Variants in KLRB1 observed in about 807,000 individuals in gnomAD.
The protein encoded by KLRB1 is killer cell lectin like receptor B1, also known as killer cell lectin-like receptor subfamily B member 1.
KLRB1 carries 27 observed loss-of-function variants against 33.5 expected under a neutral mutation model. The ratio of observed to expected loss-of-function variants is 0.81; its 90% CI spans 0.59 to 1.11. KLRB1 has a LOEUF of 1.11. Ranked by LOEUF, KLRB1 falls within the 50% of genes most tolerant of loss-of-function variation. The pLI, the probability that KLRB1 is intolerant of heterozygous loss-of-function variation, is 0.00. For missense variants in KLRB1, 241 were observed against 254.1 expected, an observed-to-expected ratio of 0.95 and a Z score of 0.35; for synonymous variants, 64 against 88.9, an observed-to-expected ratio of 0.72 and a Z score of 1.58.
chr12:9,606,759 TA>T (rs58850637), intron 1 of KLRB1, among the ~76,000 whole-genome samples: 3,247 of 22,858 alleles, frequency 0.14, 591 homozygotes, highest in African/African-American at 0.33. Flanking sequence ...TATATATATA[TA>T]TTTTTTTTTT....
rs1180828008 is a variant in KLRB1 at position 9,600,306 on chromosome 12, AT to A, written c.185-466del. 5.9e-5 allele frequency among the ~76,000 whole-genome samples: 9 copies of A among 152,276 alleles called. No homozygotes were observed. In the East Asian group the frequency reaches 1.2e-3, roughly 20 times the overall value. On this transcript the variant is annotated intron_variant, in intron 2 of 5. Transcript: ENST00000229402. ...TTTTTTTCAAAAGTTCTTGGGCCAC[AT>A]ATATAATACCCCGTGATGACTCTCA...
chr12:9,606,572 T>C (rs1005600431), intron 1 of KLRB1: 3 of 150,876 alleles, frequency 2.0e-5, no homozygotes, highest in African/African-American at 7.3e-5. Flanking sequence ...ATCTTTGATC[T>C]TGAATATGAT....
chr12:9,607,370 T>TTCTC lies in KLRB1; in HGVS notation c.85+384_85+385insGAGA, dbSNP rs1555097817. ...TTTCTTTCTTCCTTTCTTTCTTTCT[T>TTCTC]TCTTTCTTTCTTTCTTTCTTTCTTT... On this transcript the variant is annotated intron_variant, in intron 1 of 5. Transcript: ENST00000229402. Among the ~76,000 whole-genome samples, 412 of 86,464 alleles carry TTCTC rather than the reference T, an allele frequency of 4.8e-3. 8 individuals are homozygous for TTCTC. The highest frequency in any genetic ancestry group is 0.012 in the Middle Eastern group (2 of 170). 56.7% of individuals were successfully genotyped at this position (86,464 alleles called of 152,430 possible).
intron 5 of KLRB1, among the ~76,000 whole-genome samples, chr12:9,596,176 G>A (rs1864490936): frequency 6.6e-6 from 1 of 152,062 alleles, no homozygotes; most frequent in Non-Finnish European, 1.5e-5. Flanking sequence ...CAGCATGCTG[G>A]GCTCCATCAC....
At chr12:9,607,335 CCTTTCTTTCTTTCTTT>C (rs1258225429) in intron 1 of KLRB1, among the ~76,000 whole-genome samples, 42 of 65,260 alleles carry the variant, frequency 6.4e-4, no homozygotes, top group Non-Finnish European at 7.2e-4. Context: ...CTCTTTCTTT[CCTTTCTTTCTTTCTTT>C]CTTCCTTTCT....
At position 9,599,815 on chromosome 12, in the gene KLRB1, T is replaced by C. The variant is rs1864522399; in HGVS notation, c.211A>G (p.Ile71Val). 1 of 1,603,516 alleles carries C rather than the reference T, an allele frequency of 6.2e-7. No homozygotes were observed. The highest frequency in any genetic ancestry group is 8.5e-7 in the Non-Finnish European group (1 of 1,170,702). ...TGAATGTCCACACTGCATTTTTCTA[T>C]TGATGATTTCTGTATTAAGGATGTC... ...SVTSLIQKSS[I>V]EKCSVDIQQS... Residue 71 changes from isoleucine (I) to valine (V), a missense_variant, in exon 3 of 6, where the codon ATA (isoleucine) becomes GTA (valine). Ile to Val is a conservative substitution (Grantham distance 29). Transcript: ENST00000229402.
intron 1 of KLRB1, among the ~76,000 whole-genome samples, chr12:9,607,335 C>CTTCCTTCGTTTCTTTCTTTCTTT (rs1491505010): frequency 1.5e-5 from 1 of 65,170 alleles, no homozygotes; most frequent in Non-Finnish European, 3.6e-5. Context: ...CTCTTTCTTT[C>CTTCCTTCGTTTCTTTCTTTCTTT]CTTTCTTTCT....
chr12:9,600,129 C>T (rs978163782), intron 2 of KLRB1, among the ~76,000 whole-genome samples: 5 of 152,168 alleles, frequency 3.3e-5, no homozygotes, highest in Non-Finnish European at 7.3e-5. Flanking sequence ...AAATTGCCTA[C>T]AGTCTCACCT....
At chr12:9,606,725 GTATAAAAAGTATATATATATATATATAT>G (rs1864606509) in intron 1 of KLRB1, among the ~76,000 whole-genome samples, 1 of 32,668 alleles carries the variant, frequency 3.1e-5, no homozygotes, top group Non-Finnish European at 5.5e-5. Flanking sequence ...TAAAATATAT[GTATAAAAAGTATATATATATATATATAT>G]ATATATATTT....
intron 1 of KLRB1, among the ~76,000 whole-genome samples, chr12:9,607,332 T>TTTCCTTCCTTCCTGCCTTCC (rs200381621): frequency 5.3e-4 from 31 of 58,644 alleles, no homozygotes; most frequent in Non-Finnish European, 7.7e-4. Context: ...TTTCTCTTTC[T>TTTCCTTCCTTCCTGCCTTCC]TTCCTTTCTT....
intron 1 of KLRB1, among the ~76,000 whole-genome samples, chr12:9,606,741 TATA>T (rs1565444192): frequency 8.5e-5 from 2 of 23,550 alleles, no homozygotes; most frequent in African/African-American, 3.3e-4. Flanking sequence ...AAAGTATATA[TATA>T]TATATATATA....
Position 9,598,498 on chromosome 12 carries a change from C to T in KLRB1, c.414+1G>A, listed in dbSNP as rs1864511960. On this transcript the variant is annotated splice_donor_variant, in intron 4 of 5. Transcript: ENST00000229402. LOFTEE classifies it high-confidence loss of function. ...TTAAGGTATTTTATTTAATGATTTA[C>T]CAATTCATCCTTATCTCGAATAAGC... is the stretch of plus-strand genomic sequence containing the variant. The T allele has an allele frequency of 6.2e-7, 1 of 1,602,836 alleles. No homozygotes were observed. Among genetic ancestry groups the T allele is most frequent in the South Asian group, 1.1e-5 (1 of 90,054 alleles).
At chr12:9,599,904 T>C in intron 2 of KLRB1, 63 bp from the exon 3 acceptor site, 1 of 915,238 alleles carries the variant, frequency 1.1e-6, no homozygotes, top group Non-Finnish European at 1.8e-6. Flanking sequence ...GGATATATTA[T>C]ATTTGTTACT....
Position 9,601,609 on chromosome 12 carries a change from TAAAAA to T in KLRB1, c.86-15_86-11del. 1 of 1,579,378 alleles carries T rather than the reference TAAAAA, an allele frequency of 6.3e-7. No individual in the cohort carries two copies. Among genetic ancestry groups the T allele is most frequent in the Non-Finnish European group, 8.6e-7 (1 of 1,158,782 alleles). On this transcript the variant is annotated splice_polypyrimidine_tract_variant and intron_variant, in intron 1 of 5. Transcript: ENST00000229402. The stretch of plus-strand genomic sequence containing the variant: ...GAACCCTGACAGACATCTGAAAAGT[TAAAAA>T]GAAAAACACAAAAACAAACAAACAA...
intron 1 of KLRB1, among the ~76,000 whole-genome samples, chr12:9,601,933 A>T (rs1296633259): frequency 1.3e-5 from 2 of 152,236 alleles, no homozygotes; most frequent in East Asian, 3.9e-4. Flanking sequence ...AATTAAGTGC[A>T]TGTCTTAATG....
At chr12:9,605,526 A>AT (rs1344751839) in intron 1 of KLRB1, among the ~76,000 whole-genome samples, 1 of 152,200 alleles carries the variant, frequency 6.6e-6, no homozygotes, top group Non-Finnish European at 1.5e-5. Flanking sequence ...GTAGGAGCTT[A>AT]TTTTTTAATG....
Position 9,598,546 on chromosome 12 carries a change from A to G in KLRB1, c.367T>C (p.Ser123Pro). Residue 123 changes from serine to proline, a missense_variant, in exon 4 of 6, where the codon TCC becomes CCC. By Grantham distance (74) the Ser-to-Pro change is moderately conservative. Transcript: ENST00000229402. ...AGCAGCAGGCTGGATTCTTTGGTGG[A>G]ACAATCAGCTAGACTGTTATTCCAA... ...NPWNNSLADC[S>P]TKESSLLLIR... is the part of the protein sequence containing the mutation. 1 of 1,613,188 alleles carries G rather than the reference A, an allele frequency of 6.2e-7. No individual in the cohort carries two copies. Among genetic ancestry groups the G allele is most frequent in the South Asian group, 1.1e-5 (1 of 90,982 alleles).
chr12:9,595,211 ATG>A lies in KLRB1; in HGVS notation c.*61_*62del. 1 of 1,428,866 alleles carries A rather than the reference ATG, an allele frequency of 7.0e-7. No homozygotes were observed. 88.5% of individuals were successfully genotyped at this position (1,428,866 alleles called of 1,614,324 possible). Reference sequence around the variant, plus strand: ...GGCACTATTAGGTAGTACCAATAGTATGTGCAGCTACAAGTACAGAGATCAGT... The same window carrying A: ...GGCACTATTAGGTAGTACCAATAGTATGCAGCTACAAGTACAGAGATCAGT... On this transcript the variant is annotated 3_prime_UTR_variant, in exon 6 of 6. Transcript: ENST00000229402.
Position 9,598,073 on chromosome 12 carries a change from A to G in KLRB1, c.503T>C (p.Ile168Thr), listed in dbSNP as rs1135816. 0.42 allele frequency: 647,947 copies of G among 1,557,592 alleles called. 139,586 individuals carry two copies. The highest frequency in any genetic ancestry group is 0.52 in the South Asian group (44,392 of 85,822). The part of the protein sequence containing the change: ...FSLSEKNWKW[I>T]NGSFLNSNDL... ...ATTAGAATTTAAAAAAGAGCCGTTTATCCACTTCCAGTTCTTTTCTGATAA... is the reference window on the plus strand; with the variant it reads ...ATTAGAATTTAAAAAAGAGCCGTTTGTCCACTTCCAGTTCTTTTCTGATAA... The change falls in exon 5 of 6, where the codon ATA becomes ACA. Residue 168 changes from isoleucine to threonine, a missense_variant. By Grantham distance (89) the Ile-to-Thr change is moderately conservative. Coordinates refer to ENST00000229402, the MANE Select transcript of KLRB1 (RefSeq NM_002258.3).
Sources: gnomAD v4.1 joint callset for allele counts (sites outside exome capture counted in the v4.1 genomes callset) on GRCh38, gnomAD v4.1.1 for gene constraint, MANE v1.5 for transcripts, NCBI Gene and HGNC (gene_info 2026-07-23, HGNC 2026-07-21) for gene names.